Variants in DLG2 observed in about 807,000 individuals in gnomAD.
DLG2 encodes the protein discs large MAGUK scaffold protein 2.
In DLG2, 45 loss-of-function variants were observed where a neutral mutation model predicts 132.5. That is an observed-to-expected ratio of 0.34 (90% CI 0.27 to 0.44). The LOEUF is 0.44. DLG2 is among the 20% of genes least tolerant of loss of function. The pLI is 1.00. For synonymous variants in DLG2, 424 were observed against 419.6 expected (o/e 1.01, Z -0.13); for missense variants, 1,045 against 1,196.9 (o/e 0.87, Z 1.87).
chr11:83,803,281 G>C (rs750287908), intron 17 of DLG2, among the ~76,000 whole-genome samples: 29 of 152,070 alleles, frequency 1.9e-4, no homozygotes, highest in Non-Finnish European at 5.9e-5. Context: ...TCTCAACTGG[G>C]TATGAAAAGG....
chr11:83,950,576 A>T (rs1466389979), intron 14 of DLG2, among the ~76,000 whole-genome samples: 1 of 152,240 alleles, frequency 6.6e-6, no homozygotes, highest in Non-Finnish European at 1.5e-5. Flanking sequence ...CTGGGCAAGA[A>T]GAGTGAAACC....
intron 7 of DLG2, among the ~76,000 whole-genome samples, chr11:84,453,680 C>A (rs1017794362): frequency 6.6e-6 from 1 of 151,590 alleles, no homozygotes; most frequent in African/African-American, 2.4e-5. Context: ...TGTGGTAACT[C>A]CTATTTTTGT....
At chr11:84,808,022 T>C (rs1430573592) in intron 6 of DLG2, among the ~76,000 whole-genome samples, 2 of 152,064 alleles carry the variant, frequency 1.3e-5, no homozygotes, top group Non-Finnish European at 2.9e-5. Context: ...GAATTCTCCA[T>C]AAAAAACTAG....
intron 6 of DLG2, among the ~76,000 whole-genome samples, chr11:84,855,644 G>A (rs1013986351): frequency 6.6e-6 from 1 of 152,026 alleles, no homozygotes; most frequent in Admixed American, 6.6e-5. Flanking sequence ...AGTTCATACT[G>A]CAGAAGAATT....
intron 7 of DLG2, among the ~76,000 whole-genome samples, chr11:84,289,914 A>G (rs2097964092): frequency 6.6e-6 from 1 of 152,146 alleles, no homozygotes; most frequent in African/African-American, 2.4e-5. Flanking sequence ...CAGGCCCCTC[A>G]AAGTAGTAAC....
intron 15 of DLG2, among the ~76,000 whole-genome samples, chr11:83,884,354 C>G (rs557247268): frequency 2.6e-5 from 4 of 152,196 alleles, no homozygotes; most frequent in Non-Finnish European, 4.4e-5. Flanking sequence ...GCACAGCAGT[C>G]TGAGATTAAA....
chr11:84,516,990 A>T (rs957506652), intron 7 of DLG2, among the ~76,000 whole-genome samples: 20 of 140,658 alleles, frequency 1.4e-4, no homozygotes, highest in African/African-American at 2.4e-4. Flanking sequence ...TTAAAGTATA[A>T]AAAAAAAAAG....
chr11:83,679,740 C>T (rs911295631), intron 18 of DLG2, among the ~76,000 whole-genome samples: 9 of 152,150 alleles, frequency 5.9e-5, no homozygotes, highest in African/African-American at 2.2e-4. Flanking sequence ...TTGTGCTAAA[C>T]AGTATACTAT....
chr11:85,125,119 C>T (rs977066208), intron 5 of DLG2, among the ~76,000 whole-genome samples: 19 of 152,168 alleles, frequency 1.2e-4, no homozygotes, highest in Non-Finnish European at 2.1e-4. Context: ...CGTGAGCCAC[C>T]GTGCCCAGCC....
At chr11:84,100,414 T>C (rs2092421293) in intron 9 of DLG2, among the ~76,000 whole-genome samples, 2 of 150,946 alleles carry the variant, frequency 1.3e-5, no homozygotes, top group African/African-American at 2.4e-5. Flanking sequence ...GTTTATTTCT[T>C]ATTTCTATAG....
Position 85,128,126 on chromosome 11 carries a change from C to A in DLG2, c.283-16391G>T, listed in dbSNP as rs538062771. Among the ~76,000 whole-genome samples the A allele has an allele frequency of 2.0e-5, 3 of 152,190 alleles. No homozygotes were observed. In the East Asian group the frequency reaches 5.8e-4, roughly 29 times the overall value. On this transcript the variant is annotated intron_variant, in intron 5 of 27. Transcript: ENST00000376104. The stretch of plus-strand genomic sequence containing the variant: ...ATGTGAATTTTATTATGTACATTAA[C>A]CTGTTATACATAATAAAAATGAATA...
At chr11:85,212,482 G>A (rs559261023) in intron 4 of DLG2, among the ~76,000 whole-genome samples, 1 of 152,174 alleles carries the variant, frequency 6.6e-6, no homozygotes, top group East Asian at 1.9e-4. Flanking sequence ...TGATCATTGA[G>A]GACTGACTGT....
At chr11:85,194,295 A>G (rs2080866841) in intron 4 of DLG2, among the ~76,000 whole-genome samples, 1 of 152,142 alleles carries the variant, frequency 6.6e-6, no homozygotes, top group Admixed American at 6.5e-5. Context: ...TCCAACTCCA[A>G]GCCAATCTTA....
intron 3 of DLG2, among the ~76,000 whole-genome samples, chr11:85,294,347 G>T (rs2079092099): frequency 6.9e-6 from 1 of 144,874 alleles, no homozygotes; most frequent in South Asian, 2.1e-4. Flanking sequence ...AGTAACATTT[G>T]TAAAAAAAAA....
intron 6 of DLG2, among the ~76,000 whole-genome samples, chr11:84,998,736 C>T (rs1211055085): frequency 1.3e-5 from 2 of 151,908 alleles, no homozygotes; most frequent in African/African-American, 4.8e-5. Context: ...CCTCCCAAGA[C>T]CATAAGCGGA....
At chr11:84,801,776 A>G (rs1470371100) in intron 6 of DLG2, among the ~76,000 whole-genome samples, 2 of 152,218 alleles carry the variant, frequency 1.3e-5, no homozygotes, top group Non-Finnish European at 2.9e-5. Flanking sequence ...TTTAAACTAC[A>G]TTATAATGAT....
intron 6 of DLG2, among the ~76,000 whole-genome samples, chr11:84,708,279 T>C (rs1459640576): frequency 6.6e-6 from 1 of 151,914 alleles, no homozygotes; most frequent in Non-Finnish European, 1.5e-5. Context: ...ACGAAGGCTT[T>C]CTATATAATA....
At chr11:84,492,579 A>C (rs1369630340) in intron 7 of DLG2, among the ~76,000 whole-genome samples, 1 of 152,180 alleles carries the variant, frequency 6.6e-6, no homozygotes, top group Non-Finnish European at 1.5e-5. Flanking sequence ...CAGCTGTATA[A>C]TAAAGAAAAT....
At chr11:85,615,774 G>A (rs915198681) in intron 2 of DLG2, among the ~76,000 whole-genome samples, 3 of 151,586 alleles carry the variant, frequency 2.0e-5, no homozygotes, top group South Asian at 2.1e-4. Flanking sequence ...TTAAAAACAC[G>A]CATGGCATCT....
Sources: allele counts gnomAD v4.1 joint callset (sites outside exome capture counted in the v4.1 genomes callset), GRCh38; gene constraint gnomAD v4.1.1; transcripts MANE v1.5; gene names NCBI Gene and HGNC (gene_info 2026-07-23, HGNC 2026-07-21).